PTGS1: variants seen among roughly 807,000 people sequenced by gnomAD.
PTGS1 encodes the protein prostaglandin G/H synthase 1.
Under a neutral mutation model 63.0 loss-of-function variants are expected in PTGS1, and 40 were observed. The ratio of observed to expected loss-of-function variants is 0.63; its 90% confidence interval spans 0.49 to 0.83. The LOEUF (loss-of-function observed/expected upper bound fraction) is 0.83, where lower values mean the gene tolerates loss of function less well. PTGS1 is among the 40% of genes least tolerant of loss of function. The probability of loss-of-function intolerance (pLI) is 0.00; values close to 1 mark genes in which losing one functional copy is unlikely to be tolerated. For synonymous variants in PTGS1, 298 were observed against 301.9 expected, an observed-to-expected ratio of 0.99 and a Z score of 0.13; for missense variants, 709 against 786.5, an observed-to-expected ratio of 0.90 and a Z score of 1.18.
chr9:122,392,709 AT>A lies in PTGS1; in HGVS notation c.*167del, dbSNP rs1838365152. The A allele has an allele frequency of 1.2e-5, 7 of 602,104 alleles. No homozygotes were observed. The highest frequency in any genetic ancestry group is 1.8e-5 in the African/African-American group (1 of 54,316). The allele number at this position is 602,104 out of a possible 1,614,324, so 37.3% of individuals were successfully genotyped here. A position where few individuals can be genotyped will look rare whatever the true frequency, so the allele number is the denominator to read the frequency against. On this transcript the variant is annotated 3_prime_UTR_variant, in exon 11 of 11. Coordinates refer to ENST00000362012, the MANE Select transcript of PTGS1 (RefSeq NM_000962.4). ...CTCACCCATTATCTGGAATATTGTG[AT>A]TCTGTTTATTCTTCCAGAATGCTGA...
upstream of PTGS1, chr9:122,370,917 C>T: frequency 1.8e-6 from 2 of 1,118,584 alleles, no homozygotes; most frequent in Admixed American, 2.7e-5. Flanking sequence ...ATGCCTTGGC[C>T]GGGGCTGGGC....
At chr9:122,391,161 C>T (rs114672350) in intron 10 of PTGS1, among the ~76,000 whole-genome samples, 1,647 of 150,840 alleles carry the variant, frequency 0.011, 26 homozygotes, top group African/African-American at 0.038. Context: ...GCCTCTCCTA[C>T]GGATTCTGAT....
intron 8 of PTGS1, 64 bp from the exon 9 acceptor site, chr9:122,386,382 T>C: frequency 6.4e-7 from 1 of 1,562,784 alleles, no homozygotes; most frequent in Non-Finnish European, 8.8e-7. Flanking sequence ...CTGGCCTGCT[T>C]TCCAAGCTGG....
At chr9:122,391,418 T>TACAC (rs747908926) in intron 10 of PTGS1, among the ~76,000 whole-genome samples, 5 of 31,056 alleles carry the variant, frequency 1.6e-4, no homozygotes, top group African/African-American at 1.5e-3. Flanking sequence ...TACATATATA[T>TACAC]ATATATATAC....
Position 122,381,495 on chromosome 9 carries a change from G to A in PTGS1, c.621G>A (p.Gln207=). The A allele has an allele frequency of 6.2e-7, 1 of 1,614,196 alleles. No individual in the cohort carries two copies. Among genetic ancestry groups the A allele is most frequent in the Non-Finnish European group, 8.5e-7 (1 of 1,180,042 alleles). ...TCTTTGCACAACACTTCACCCACCA[G>A]TTCTTCAAAACTTCTGGCAAGATGG... The part of the protein sequence containing the change: ...FAFFAQHFTH[Q]FFKTSGKMGP... The change falls in exon 6 of 11, where the codon CAG becomes CAA. Residue 207 remains glutamine (Q), a synonymous_variant. Coordinates refer to ENST00000362012, the MANE Select transcript of PTGS1 (RefSeq NM_000962.4).
chr9:122,371,512 A>G (rs1836808937), intron 2 of PTGS1: 1 of 1,330,646 alleles, frequency 7.5e-7, no homozygotes. Context: ...TCTGGTGCCA[A>G]CTTGGGGAGA....
chr9:122,386,535 G>T lies in PTGS1; in HGVS notation c.1099G>T (p.Gly367Cys). ...GAAATTTGACCCAGAGCTGCTGTTC[G>T]GTGTCCAGTTCCAATACCGCAACCG... ...QLKFDPELLF[G>C]VQFQYRNRIA... is the part of the protein sequence containing the mutation. The change falls in exon 9 of 11, where the codon GGT (glycine) becomes TGT (cysteine). Residue 367 changes from glycine (G) to cysteine (C), a missense_variant. Physicochemically the swap from Gly to Cys is radical, Grantham distance 159. Coordinates refer to ENST00000362012, the MANE Select transcript of PTGS1 (RefSeq NM_000962.4). 2 of 1,614,150 alleles carry T rather than the reference G, an allele frequency of 1.2e-6. No homozygotes were observed. The highest frequency in any genetic ancestry group is 1.7e-6 in the Non-Finnish European group (2 of 1,180,038).
At position 122,381,541 on chromosome 9, in the gene PTGS1, T is replaced by C. The variant is rs1285081265; in HGVS notation, c.667T>C (p.Leu223=). The C allele has an allele frequency of 6.2e-7, 1 of 1,614,204 alleles. No individual in the cohort carries two copies. The highest frequency in any genetic ancestry group is 2.2e-5 in the East Asian group (1 of 44,886). ...GATGGGTCCTGGCTTCACCAAGGCC[T>C]TGGGCCATGGGGTGAGTACCTAGGA... ...GKMGPGFTKA[L]GHGVDLGHIY... Residue 223 remains leucine, a synonymous_variant, in exon 6 of 11, where the codon TTG becomes CTG. Coordinates refer to ENST00000362012, the MANE Select transcript of PTGS1 (RefSeq NM_000962.4).
intron 7 of PTGS1, 136 bp from the exon 8 acceptor site, chr9:122,383,373 A>G: frequency 4.2e-6 from 5 of 1,203,230 alleles, no homozygotes; most frequent in Non-Finnish European, 4.6e-6. Context: ...ACTGATTTTA[A>G]GAGACATTTT....
At chr9:122,375,411 G>A in intron 2 of PTGS1, 1 of 985,514 alleles carries the variant, frequency 1.0e-6, no homozygotes, top group Middle Eastern at 5.2e-4. Flanking sequence ...TTGAGGGCCT[G>A]GAAGATGAGG....
At chr9:122,372,433 TA>T (rs1189651464) in intron 2 of PTGS1, among the ~76,000 whole-genome samples, 1 of 152,192 alleles carries the variant, frequency 6.6e-6, no homozygotes, top group Non-Finnish European at 1.5e-5. Flanking sequence ...GCCAGCACTT[TA>T]AAGTTTACAA....
In PTGS1 at chr9:122,371,279, G is replaced by A; in HGVS notation, c.94+7G>A. 6.2e-7 allele frequency: 1 copy of A among 1,603,272 alleles called. No homozygotes were observed. The highest frequency in any genetic ancestry group is 1.1e-5 in the South Asian group (1 of 91,048). On this transcript the variant is annotated splice_region_variant and intron_variant, in intron 2 of 10. Coordinates refer to ENST00000362012, the MANE Select transcript of PTGS1 (RefSeq NM_000962.4). ...CCAGGGGCGCCCACGCCAGGTAGGC[G>A]GCCCCATCCCTCCCCAAGGGAATCC...
Position 122,386,444 on chromosome 9 carries a change from A to G in PTGS1, c.1010-2A>G, listed in dbSNP as rs771903770. The G allele has an allele frequency of 1.9e-6, 3 of 1,614,084 alleles. No homozygotes were observed. The highest frequency in any genetic ancestry group is 4.5e-5 in the East Asian group (2 of 44,874). On this transcript the variant is annotated splice_acceptor_variant, in intron 8 of 10. Transcript: ENST00000362012. LOFTEE classifies it high-confidence loss of function. ...CCCTATTTCCAATCCTGCCCTGCCCAGGGGAGACCATCAAGATTGTCATCG... is the reference window on the plus strand; with the variant it reads ...CCCTATTTCCAATCCTGCCCTGCCCGGGGGAGACCATCAAGATTGTCATCG...
At chr9:122,390,444 A>G (rs996762438) in intron 10 of PTGS1, 99 bp downstream of exon 10, 1 of 1,348,332 alleles carries the variant, frequency 7.4e-7, no homozygotes, top group East Asian at 2.5e-5. Context: ...ACATGCGGCA[A>G]TGTGTAACAA....
upstream of PTGS1, chr9:122,370,863 G>T: frequency 1.4e-6 from 1 of 700,536 alleles, no homozygotes; most frequent in Non-Finnish European, 2.3e-6. Context: ...CAAGGATCTT[G>T]GGTGAAAAGC....
In PTGS1 at chr9:122,389,960, TA is replaced by T. The variant is rs112568439; in HGVS notation, c.1297-229del. On this transcript the variant is annotated intron_variant, in intron 9 of 10. Coordinates refer to ENST00000362012, the MANE Select transcript of PTGS1 (RefSeq NM_000962.4). The stretch of plus-strand genomic sequence containing the variant: ...CAGGGCAACAGAGTGAGACAGTGTC[TA>T]AAAAAAAACCCACAAAAAAAAAATG... Among the ~76,000 whole-genome samples, 21 of 147,682 alleles carry T rather than the reference TA, an allele frequency of 1.4e-4. No homozygotes were observed. The South Asian group carries it at 3.9e-3, about 27-fold the overall frequency.
intron 8 of PTGS1, 70 bp downstream of exon 8, chr9:122,383,825 G>C (rs1315780635): frequency 6.4e-7 from 1 of 1,560,576 alleles, no homozygotes; most frequent in Non-Finnish European, 8.7e-7. Context: ...GGGCGGGGGG[G>C]TACTTAGAGG....
intron 5 of PTGS1, among the ~76,000 whole-genome samples, chr9:122,380,979 T>C (rs1391575812): frequency 6.6e-6 from 1 of 152,228 alleles, no homozygotes; most frequent in African/African-American, 2.4e-5. Flanking sequence ...TTATTTCTTT[T>C]TGGTGAAATG....
At position 122,390,333 on chromosome 9, in the gene PTGS1, C is replaced by T; in HGVS notation, c.1432C>T (p.Gln478Ter). 3.1e-6 allele frequency: 5 copies of T among 1,614,094 alleles called. No individual in the cohort carries two copies. The highest frequency in any genetic ancestry group is 4.2e-6 in the Non-Finnish European group (5 of 1,179,956). Residue 478 changes from glutamine to a stop codon, truncating the protein, a stop_gained, in exon 10 of 11, where the codon CAG becomes TAG. Transcript: ENST00000362012. LOFTEE classifies it high-confidence loss of function. ...RFGMKPYTSF[Q>*]ELVGEKEMAA... ...TGGCATGAAACCCTACACCTCCTTCCAGGAGCTCGTAGGTGAGCAGCTGTT... is the reference window on the plus strand; with the variant it reads ...TGGCATGAAACCCTACACCTCCTTCTAGGAGCTCGTAGGTGAGCAGCTGTT...
Sources: allele counts gnomAD v4.1 joint callset (sites outside exome capture counted in the v4.1 genomes callset), GRCh38; gene constraint gnomAD v4.1.1; transcripts MANE v1.5; gene names NCBI Gene and HGNC (gene_info 2026-07-23, HGNC 2026-07-21).